The following MTOR variants were observed in gnomAD, a reference collection of about 807,000 sequenced individuals.
The protein encoded by MTOR is serine/threonine-protein kinase mTOR.
Under a neutral mutation model 319.8 loss-of-function variants are expected in MTOR, and 70 were observed. The observed-to-expected ratio is 0.22, with a 90% CI of 0.18 to 0.27. The LOEUF (loss-of-function observed/expected upper bound fraction) is 0.27. Ranked by LOEUF, MTOR falls within the 10% of genes least tolerant of loss-of-function variation. The pLI is 1.00. For synonymous variants in MTOR, 1,183 were observed against 1,211.4 expected (o/e 0.98, Z 0.49); for missense variants, 1,890 against 3,274.4 (o/e 0.58, Z 10.32).
chr1:11,238,151 G>T, intron 12 of MTOR, 103 bp from the exon 13 acceptor site: 1 of 1,176,048 alleles, frequency 8.5e-7, no homozygotes, highest in South Asian at 1.4e-5. Context: ...GAAGATTCCA[G>T]ATGCTTTTTC....
chr1:11,215,428 C>A (rs956395802), intron 20 of MTOR, among the ~76,000 whole-genome samples: 7 of 152,136 alleles, frequency 4.6e-5, no homozygotes, highest in African/African-American at 1.4e-4. Context: ...TGATTTTAGT[C>A]CTGCTAAAAT....
intron 28 of MTOR, among the ~76,000 whole-genome samples, chr1:11,168,702 G>A (rs1209991458): frequency 6.6e-6 from 1 of 152,204 alleles, no homozygotes; most frequent in East Asian, 1.9e-4. Flanking sequence ...CTGGAGGACT[G>A]TTACCACACT....
At chr1:11,225,417 T>A (rs1646798977) in intron 19 of MTOR, among the ~76,000 whole-genome samples, 1 of 126,474 alleles carries the variant, frequency 7.9e-6, no homozygotes, top group Admixed American at 9.7e-5. Flanking sequence ...AGTCAAAAAT[T>A]GGTTCTTTTT....
At position 11,257,043 on chromosome 1, in the gene MTOR, G is replaced by A. The variant is rs747458067; in HGVS notation, c.394C>T (p.Arg132Cys). Residue 132 changes from arginine to cysteine, a missense_variant, in exon 4 of 58, where the codon CGT becomes TGT. Transcript: ENST00000361445. ...VMEMASKAIGRLAMAGDTFTA... is the reference protein window; with the variant it reads ...VMEMASKAIGCLAMAGDTFTA... ...AAAGTGTCCCCTGCCATGGCAAGACGGCCAATGGCCTTGGATGCCATTTCC... is the reference window on the plus strand; with the variant it reads ...AAAGTGTCCCCTGCCATGGCAAGACAGCCAATGGCCTTGGATGCCATTTCC... 4 of 1,614,134 alleles carry A rather than the reference G, an allele frequency of 2.5e-6. No homozygotes were observed. The highest frequency in any genetic ancestry group is 1.7e-6 in the Non-Finnish European group (2 of 1,180,024).
chr1:11,247,534 C>T (rs1270044660), intron 8 of MTOR, 91 bp downstream of exon 8: 1 of 1,135,482 alleles, frequency 8.8e-7, no homozygotes, highest in Non-Finnish European at 1.3e-6. Flanking sequence ...GTTGGCGTTG[C>T]TTCAAAGGAA....
intron 20 of MTOR, among the ~76,000 whole-genome samples, chr1:11,214,019 C>A (rs1324051106): frequency 6.6e-6 from 1 of 152,146 alleles, no homozygotes. Flanking sequence ...TACTTAGGGA[C>A]AAGTATCCTA....
chr1:11,128,820 T>C lies in MTOR; in HGVS notation c.5811+35A>G. 1 of 1,559,404 alleles carries C rather than the reference T, an allele frequency of 6.4e-7. No homozygotes were observed. The highest frequency in any genetic ancestry group is 8.8e-7 in the Non-Finnish European group (1 of 1,132,844). ...AGAGGAGACACACAGAAGAGAGACT[T>C]GGAGCCACCTTCACCTGTAACCAAG... is the stretch of plus-strand genomic sequence containing the variant. On this transcript the variant is annotated intron_variant, in intron 41 of 57. Coordinates refer to ENST00000361445, the MANE Select transcript of MTOR (RefSeq NM_004958.4). The surrounding 1 kb of genome is among the most constrained non-coding windows in gnomAD (Gnocchi z 5.3).
At chr1:11,253,071 T>C (rs1038147190) in intron 6 of MTOR, among the ~76,000 whole-genome samples, 4 of 152,174 alleles carry the variant, frequency 2.6e-5, no homozygotes, top group Non-Finnish European at 5.9e-5. Context: ...CAGCCAACTT[T>C]GGCTTGAGGA....
chr1:11,240,537 T>G lies in MTOR; in HGVS notation c.1552A>C (p.Thr518Pro), dbSNP rs1013435026. Residue 518 changes from threonine (T) to proline (P), a missense_variant, in exon 11 of 58, where the codon ACT (threonine) becomes CCT (proline). Thr to Pro is a conservative substitution (Grantham distance 38). This residue lies in a region of MTOR where 418 missense variants were observed against 543.1 expected (regional missense o/e 0.77). Coordinates refer to ENST00000361445, the MANE Select transcript of MTOR (RefSeq NM_004958.4). ...MLAVGLSPALTAVLYDLSRQI... is the reference protein window; with the variant it reads ...MLAVGLSPALPAVLYDLSRQI... ...CGGCTCAGGTCGTAGAGCACTGCAGTGAGGGCAGGGCTGAGGGGAAGGAAA... is the reference window on the plus strand; with the variant it reads ...CGGCTCAGGTCGTAGAGCACTGCAGGGAGGGCAGGGCTGAGGGGAAGGAAA... The G allele has an allele frequency of 5.6e-6, 9 of 1,613,802 alleles. No individual in the cohort carries two copies. Among genetic ancestry groups the G allele is most frequent in the Non-Finnish European group, 6.8e-6 (8 of 1,179,918 alleles).
At chr1:11,157,343 C>T (rs2100569350) in intron 29 of MTOR, 52 bp from the exon 30 acceptor site, 1 of 1,584,712 alleles carries the variant, frequency 6.3e-7, no homozygotes, top group Non-Finnish European at 8.6e-7. Flanking sequence ...GAAGGGATCA[C>T]ATTGTTTAAT....
chr1:11,193,898 C>T, intron 28 of MTOR: 3 of 1,078,892 alleles, frequency 2.8e-6, no homozygotes, highest in South Asian at 1.6e-5. Flanking sequence ...TGATGGTTTT[C>T]CTGCAAGTTG....
rs1334550955 is a variant in MTOR at position 11,158,082 on chromosome 1, T to C, written c.4330-791A>G. ...GCTACAGTCTGAAAGTTACAGACTATGACTCTCCAAATGATCAGGAGACTG... is the reference window on the plus strand; with the variant it reads ...GCTACAGTCTGAAAGTTACAGACTACGACTCTCCAAATGATCAGGAGACTG... On this transcript the variant is annotated intron_variant, in intron 29 of 57. Transcript: ENST00000361445. 4.6e-5 allele frequency among the ~76,000 whole-genome samples: 7 copies of C among 152,278 alleles called. No individual in the cohort carries two copies. In the East Asian group the frequency reaches 1.2e-3, roughly 25 times the overall value.
At position 11,128,947 on chromosome 1, in the gene MTOR, G is replaced by T; in HGVS notation, c.5719C>A (p.Leu1907Ile). ...TGACCATAATCAAACCATAAGGTGAGAACTCTGAAAAAGAAATGAGAAAGT... is the reference window on the plus strand; with the variant it reads ...TGACCATAATCAAACCATAAGGTGATAACTCTGAAAAAGAAATGAGAAAGT... ...GNNLQDTLRVLTLWFDYGHWP... is the reference protein window; with the variant it reads ...GNNLQDTLRVITLWFDYGHWP... Residue 1907 changes from leucine to isoleucine, a missense_variant, in exon 41 of 58, where the codon CTC becomes ATC. Physicochemically the swap from Leu to Ile is conservative, Grantham distance 5. This residue lies in a region of MTOR where 249 missense variants were observed against 596.2 expected (regional missense o/e 0.42). Transcript: ENST00000361445. This position sits in a 1 kb window ranked among gnomAD's most constrained non-coding sequence, Gnocchi z 5.3. The T allele has an allele frequency of 6.2e-7, 1 of 1,612,470 alleles. No homozygotes were observed. The highest frequency in any genetic ancestry group is 1.7e-5 in the Admixed American group (1 of 59,772).
intron 29 of MTOR, among the ~76,000 whole-genome samples, chr1:11,163,263 C>T (rs879629182): frequency 2.1e-4 from 32 of 152,176 alleles, no homozygotes; most frequent in Non-Finnish European, 3.7e-4. Context: ...GCGCCCAGTA[C>T]AGGAGCACCC....
At chr1:11,204,933 T>C (rs184810338) in intron 25 of MTOR, among the ~76,000 whole-genome samples, 1 of 152,332 alleles carries the variant, frequency 6.6e-6, no homozygotes, top group African/African-American at 2.4e-5. Context: ...TGCTGGACTC[T>C]GACTGCAGCA....
intron 47 of MTOR, among the ~76,000 whole-genome samples, chr1:11,123,431 T>G (rs1557749160): frequency 7.0e-6 from 1 of 142,090 alleles, no homozygotes; most frequent in African/African-American, 2.7e-5. Flanking sequence ...TTTTTTTTTG[T>G]AGAGACAGGG....
intron 13 of MTOR, among the ~76,000 whole-genome samples, chr1:11,235,677 T>C (rs1647186026): frequency 6.6e-6 from 1 of 152,078 alleles, no homozygotes; most frequent in Non-Finnish European, 1.5e-5. Context: ...GATAGCTTAA[T>C]ATCAGCTTTA....
At chr1:11,192,117 C>G (rs1320130168) in intron 28 of MTOR, among the ~76,000 whole-genome samples, 1 of 152,210 alleles carries the variant, frequency 6.6e-6, no homozygotes, top group Non-Finnish European at 1.5e-5. Context: ...CCCTCTGGAT[C>G]TCCCCATATC....
rs755387352 is a variant in MTOR at position 11,121,620 on chromosome 1, G to A, written c.6811-252C>T. 6.6e-6 allele frequency among the ~76,000 whole-genome samples: 1 copy of A among 152,212 alleles called. No individual in the cohort carries two copies. The highest frequency in any genetic ancestry group is 1.5e-5 in the Non-Finnish European group (1 of 68,028). On this transcript the variant is annotated intron_variant, in intron 48 of 57. Transcript: ENST00000361445. The surrounding 1 kb of genome is among the most constrained non-coding windows in gnomAD (Gnocchi z 4.9). ...AGTTATAGGCCTTCTGTGCAGATGA[G>A]AGTACTGGAAGTTTCAAGGTTTTGG...
Sources: allele counts gnomAD v4.1 joint callset (sites outside exome capture counted in the v4.1 genomes callset), GRCh38; gene constraint gnomAD v4.1.1; regional missense constraint gnomAD v4.1.1; non-coding constraint Gnocchi (gnomAD v3.1); transcripts MANE v1.5; gene names NCBI Gene and HGNC (gene_info 2026-07-23, HGNC 2026-07-21).